The following DDC variants were observed in gnomAD, a reference collection of about 807,000 sequenced individuals.
The protein encoded by DDC is dopa decarboxylase, also known as aromatic-L-amino-acid decarboxylase.
Under a neutral mutation model 60.0 loss-of-function variants are expected in DDC, and 43 were observed. The observed-to-expected ratio is 0.72, with a 90% CI of 0.56 to 0.92. DDC has a LOEUF of 0.92. Ranked by LOEUF, DDC falls within the 40% of genes least tolerant of loss-of-function variation. The pLI is 0.00. For missense variants in DDC, 573 were observed against 620.2 expected, an observed-to-expected ratio of 0.92 and a Z score of 0.81; for synonymous variants, 232 against 234.6, an observed-to-expected ratio of 0.99 and a Z score of 0.10.
At chr7:50,526,869 T>C (rs1463902385) in intron 6 of DDC, among the ~76,000 whole-genome samples, 1 of 152,148 alleles carries the variant, frequency 6.6e-6, no homozygotes, top group African/African-American at 2.4e-5. Flanking sequence ...TTACTAGAGA[T>C]ATAAAGGGCA....
intron 6 of DDC, among the ~76,000 whole-genome samples, chr7:50,508,703 G>A (rs973350315): frequency 6.6e-6 from 1 of 152,156 alleles, no homozygotes; most frequent in Non-Finnish European, 1.5e-5. Flanking sequence ...TGAAGACCAT[G>A]TGGCTACATC....
At chr7:50,500,141 C>A (rs1563006098) in intron 7 of DDC, among the ~76,000 whole-genome samples, 1 of 151,910 alleles carries the variant, frequency 6.6e-6, no homozygotes, top group Admixed American at 6.5e-5. Context: ...CGCGAGCCAC[C>A]CTCACCTCAC....
chr7:50,488,387 G>A (rs1307627448), intron 9 of DDC, among the ~76,000 whole-genome samples: 4 of 151,792 alleles, frequency 2.6e-5, no homozygotes, highest in Admixed American at 1.3e-4. Context: ...CAAGGTAAAA[G>A]GAAACAGTAA....
intron 14 of DDC, among the ~76,000 whole-genome samples, chr7:50,459,251 A>G (rs553977848): frequency 1.3e-5 from 2 of 152,078 alleles, no homozygotes; most frequent in Non-Finnish European, 2.9e-5. Flanking sequence ...AGTCTGGTTC[A>G]CTCAGTGCTC....
chr7:50,484,474 C>A (rs745397164), intron 9 of DDC, among the ~76,000 whole-genome samples: 17 of 152,172 alleles, frequency 1.1e-4, no homozygotes, highest in Non-Finnish European at 2.2e-4. Context: ...GTTCAATTCT[C>A]AGTATTTGCA....
chr7:50,488,848 G>C (rs2042940043), intron 9 of DDC, among the ~76,000 whole-genome samples: 1 of 151,994 alleles, frequency 6.6e-6, no homozygotes, highest in African/African-American at 2.4e-5. Flanking sequence ...GCTGTTTTCA[G>C]CTTTCTCTCC....
chr7:50,515,875 T>C (rs1354502069), intron 6 of DDC, among the ~76,000 whole-genome samples: 1 of 152,238 alleles, frequency 6.6e-6, no homozygotes, highest in Non-Finnish European at 1.5e-5. Flanking sequence ...CAGGAAAATA[T>C]TGTAATCCTA....
intron 6 of DDC, among the ~76,000 whole-genome samples, chr7:50,523,539 G>A (rs2043956083): frequency 6.6e-6 from 1 of 152,108 alleles, no homozygotes; most frequent in Non-Finnish European, 1.5e-5. Context: ...CAAAGAAGAT[G>A]TTCATGTAGC....
chr7:50,508,256 T>A (rs542030224), intron 6 of DDC, among the ~76,000 whole-genome samples: 61 of 152,356 alleles, frequency 4.0e-4, no homozygotes, highest in Non-Finnish European at 7.1e-4. Context: ...CGCTCCAGGC[T>A]CTGATTACTC....
intron 13 of DDC, among the ~76,000 whole-genome samples, chr7:50,465,546 A>G (rs953147030): frequency 6.6e-6 from 1 of 152,132 alleles, no homozygotes; most frequent in African/African-American, 2.4e-5. Context: ...TAATTTTTGT[A>G]TTTGTAGTAG....
rs552181980 is a variant in DDC, at chr7:50,470,002, T to G, written c.1140+71A>C. On this transcript the variant is annotated intron_variant, in intron 12 of 14. Transcript: ENST00000444124. ...CTCAAAAAAAAAAAAAGAAAAAAAA[T>G]TTGAATTTATTTCTAAAGTCCCGAA... The G allele has an allele frequency of 2.4e-5, 24 of 999,814 alleles. No homozygotes were observed. In the African/African-American group the frequency reaches 3.3e-4, roughly 14 times the overall value. 61.9% of individuals were successfully genotyped at this position (999,814 alleles called of 1,614,324 possible).
At chr7:50,555,306 G>A (rs2045146398) in intron 1 of DDC, among the ~76,000 whole-genome samples, 1 of 152,150 alleles carries the variant, frequency 6.6e-6, no homozygotes, top group African/African-American at 2.4e-5. Context: ...CAAGAGATCT[G>A]TTGGAAACGA....
At chr7:50,546,737 G>A (rs912380324) in intron 1 of DDC, among the ~76,000 whole-genome samples, 1 of 152,228 alleles carries the variant, frequency 6.6e-6, no homozygotes, top group Non-Finnish European at 1.5e-5. Context: ...CAGCCCCCAT[G>A]TTAAAGCTAT....
At chr7:50,488,282 A>T (rs148358978) in intron 9 of DDC, among the ~76,000 whole-genome samples, 1,953 of 152,076 alleles carry the variant, frequency 0.013, 38 homozygotes, top group African/African-American at 0.045. Flanking sequence ...TTAAAAAAAA[A>T]TATAGGAAAA....
At chr7:50,546,079 A>G (rs1367827778) in intron 1 of DDC, among the ~76,000 whole-genome samples, 3 of 152,240 alleles carry the variant, frequency 2.0e-5, no homozygotes, top group Non-Finnish European at 4.4e-5. Flanking sequence ...CAAATTTAAG[A>G]TAAATTTTCC....
intron 4 of DDC, 132 bp downstream of exon 4, chr7:50,537,728 C>T (rs938839856): frequency 1.5e-5 from 18 of 1,192,006 alleles, no homozygotes; most frequent in African/African-American, 6.0e-5. Context: ...CCCAAGAGCT[C>T]GGTTTTGTTT....
chr7:50,501,135 G>C (rs7794360), intron 7 of DDC, among the ~76,000 whole-genome samples: 149,889 of 152,274 alleles, frequency 0.98, 73,801 homozygotes, highest in East Asian at 1. Context: ...GATGGGACAG[G>C]CTCACACCCC....
chr7:50,466,499 A>G (rs1057383964), intron 13 of DDC, among the ~76,000 whole-genome samples: 4 of 136,386 alleles, frequency 2.9e-5, no homozygotes, highest in Non-Finnish European at 6.1e-5. Flanking sequence ...AAAAGAAAAA[A>G]AAAAAAAAAA....
chr7:50,505,889 T>C (rs181897914), intron 6 of DDC, among the ~76,000 whole-genome samples: 6 of 152,370 alleles, frequency 3.9e-5, no homozygotes, highest in Admixed American at 2.6e-4. Flanking sequence ...GTAGGCTTTC[T>C]TCTTGTTCAG....
Sources: allele counts gnomAD v4.1 joint callset (sites outside exome capture counted in the v4.1 genomes callset), GRCh38; gene constraint gnomAD v4.1.1; transcripts MANE v1.5; gene names NCBI Gene and HGNC (gene_info 2026-07-23, HGNC 2026-07-21).